Variants in PRKD3 observed in about 807,000 individuals in gnomAD.
PRKD3 encodes the protein protein kinase D3, also known as serine/threonine-protein kinase D3.
A neutral mutation model predicts 99.2 loss-of-function variants in PRKD3; 47 were observed. That is an observed-to-expected ratio of 0.47 (90% CI 0.38 to 0.60). The LOEUF (loss-of-function observed/expected upper bound fraction) is 0.60, where lower values mean the gene tolerates loss of function less well. PRKD3 is among the 20% of genes least tolerant of loss of function. The pLI is 0.00. For synonymous variants in PRKD3, 392 were observed against 355.4 expected, an observed-to-expected ratio of 1.10 and a Z score of -1.16; for missense variants, 1,019 against 1,088.4, an observed-to-expected ratio of 0.94 and a Z score of 0.90.
chr2:37,271,332 C>T (rs72863147), intron 12 of PRKD3, among the ~76,000 whole-genome samples: 2,209 of 152,160 alleles, frequency 0.015, 38 homozygotes, highest in African/African-American at 0.043. Flanking sequence ...CTTTAAATGA[C>T]TGGACAAATC....
intron 4 of PRKD3, among the ~76,000 whole-genome samples, chr2:37,289,880 T>C (rs1477994100): frequency 6.6e-6 from 1 of 152,222 alleles, no homozygotes; most frequent in Non-Finnish European, 1.5e-5. Context: ...ACCACTGCCT[T>C]AAAGCACTAG....
chr2:37,253,055 T>C lies in PRKD3; in HGVS notation c.*122A>G, dbSNP rs1297215837. Reference sequence around the variant, plus strand: ...TGAACTACAGTACTGGTGTCACTTATTCGTTATCATATTTCTTCATATCTT... The same window carrying C: ...TGAACTACAGTACTGGTGTCACTTACTCGTTATCATATTTCTTCATATCTT... On this transcript the variant is annotated 3_prime_UTR_variant, in exon 19 of 19. Coordinates refer to ENST00000234179, the MANE Select transcript of PRKD3 (RefSeq NM_005813.6). 5.5e-5 allele frequency: 57 copies of C among 1,041,888 alleles called. No individual in the cohort carries two copies. In the Middle Eastern group the frequency reaches 9.6e-4, roughly 18 times the overall value. 64.5% of individuals were successfully genotyped at this position (1,041,888 alleles called of 1,614,324 possible).
chr2:37,280,693 C>A (rs909172657), intron 7 of PRKD3, among the ~76,000 whole-genome samples: 51 of 152,170 alleles, frequency 3.4e-4, no homozygotes, highest in African/African-American at 1.0e-3. Context: ...ATTTTTGTGA[C>A]CTTGGTTAGG....
At chr2:37,310,938 G>A (rs546118526) in intron 2 of PRKD3, among the ~76,000 whole-genome samples, 1 of 152,316 alleles carries the variant, frequency 6.6e-6, no homozygotes, top group African/African-American at 2.4e-5. Context: ...GTTAACTGCT[G>A]CAGAGTGAAG....
intron 4 of PRKD3, among the ~76,000 whole-genome samples, chr2:37,290,489 A>T (rs1353754289): frequency 6.6e-6 from 1 of 152,184 alleles, no homozygotes; most frequent in Non-Finnish European, 1.5e-5. Flanking sequence ...CAGCCTCGGC[A>T]TCCCAAAGTG....
intron 16 of PRKD3, among the ~76,000 whole-genome samples, chr2:37,259,203 G>A (rs1170302689): frequency 1.3e-5 from 2 of 152,148 alleles, no homozygotes; most frequent in Non-Finnish European, 2.9e-5. Context: ...ATAGAAAAAG[G>A]AGGTGGCTGC....
At chr2:37,269,760 T>C in intron 12 of PRKD3, 73 bp from the exon 13 acceptor site, 1 of 1,026,104 alleles carries the variant, frequency 9.7e-7, no homozygotes, top group Non-Finnish European at 1.5e-6. Context: ...ACTTTCTTCA[T>C]CCAAATACTT....
chr2:37,252,404 A>G lies in PRKD3; in HGVS notation c.*773T>C, dbSNP rs1667568821. 1 of 152,208 alleles carries G rather than the reference A, an allele frequency of 6.6e-6. No individual in the cohort carries two copies. Among genetic ancestry groups the G allele is most frequent in the African/African-American group, 2.4e-5 (1 of 41,452 alleles). 9.4% of individuals were successfully genotyped at this position (152,208 alleles called of 1,614,324 possible). On this transcript the variant is annotated 3_prime_UTR_variant, in exon 19 of 19. Transcript: ENST00000234179. ...CAGCAGAGTGGAGCTATGCAAAGACATACAACTCAGCACTTAGACCAGCAG... is the reference window on the plus strand; with the variant it reads ...CAGCAGAGTGGAGCTATGCAAAGACGTACAACTCAGCACTTAGACCAGCAG...
At chr2:37,270,007 C>T (rs945227980) in intron 12 of PRKD3, among the ~76,000 whole-genome samples, 1 of 152,144 alleles carries the variant, frequency 6.6e-6, no homozygotes, top group African/African-American at 2.4e-5. Context: ...GCAGGTGGAT[C>T]ACCTGAGGTT....
intron 2 of PRKD3, among the ~76,000 whole-genome samples, chr2:37,303,416 C>A (rs923067135): frequency 1.3e-5 from 2 of 152,188 alleles, no homozygotes; most frequent in African/African-American, 2.4e-5. Context: ...AAGGCGCCCA[C>A]TGAGCTGATA....
intron 2 of PRKD3, among the ~76,000 whole-genome samples, chr2:37,312,749 T>C (rs926174581): frequency 5.9e-5 from 9 of 152,188 alleles, no homozygotes; most frequent in Admixed American, 3.9e-4. Flanking sequence ...GAATCAACTA[T>C]ATATATTAAA....
intron 2 of PRKD3, among the ~76,000 whole-genome samples, chr2:37,296,580 T>C (rs1670682224): frequency 6.6e-6 from 1 of 151,792 alleles, no homozygotes; most frequent in Non-Finnish European, 1.5e-5. Context: ...TTTATAGGTA[T>C]GTTTGGTAGG....
At chr2:37,265,488 T>TACACACAC (rs149325155) in intron 14 of PRKD3, among the ~76,000 whole-genome samples, 1 of 150,052 alleles carries the variant, frequency 6.7e-6, no homozygotes, top group Admixed American at 6.7e-5. Flanking sequence ...ATCTTTATAC[T>TACACACAC]ACACACACAC....
At chr2:37,305,224 G>C (rs1281484888) in intron 2 of PRKD3, among the ~76,000 whole-genome samples, 1 of 152,132 alleles carries the variant, frequency 6.6e-6, no homozygotes, top group Non-Finnish European at 1.5e-5. Flanking sequence ...CTACAGAGAC[G>C]ATGCAGTTAA....
In PRKD3 at chr2:37,254,186, G is replaced by C; in HGVS notation, c.2499+18C>G. ...ACTCAAATGAGGATTGCCAAAGAGA[G>C]ATTACATTTTTTTTTACCTGTAGCC... On this transcript the variant is annotated intron_variant, in intron 18 of 18. Coordinates refer to ENST00000234179, the MANE Select transcript of PRKD3 (RefSeq NM_005813.6). The C allele has an allele frequency of 6.4e-7, 1 of 1,572,204 alleles. No individual in the cohort carries two copies. Among genetic ancestry groups the C allele is most frequent in the Non-Finnish European group, 8.8e-7 (1 of 1,142,216 alleles).
intron 2 of PRKD3, among the ~76,000 whole-genome samples, chr2:37,308,449 G>C (rs938119665): frequency 3.3e-5 from 5 of 152,064 alleles, no homozygotes; most frequent in Admixed American, 2.0e-4. Flanking sequence ...TTTTGAGACA[G>C]AGTTTTGCTC....
chr2:37,323,108 C>CTG (rs931145785), intron 1 of PRKD3, among the ~76,000 whole-genome samples: 1 of 151,508 alleles, frequency 6.6e-6, no homozygotes, highest in Non-Finnish European at 1.5e-5. Flanking sequence ...TTATGAAGTT[C>CTG]TGTGTGTGTG....
chr2:37,304,603 A>T (rs911219609), intron 2 of PRKD3, among the ~76,000 whole-genome samples: 1 of 151,976 alleles, frequency 6.6e-6, no homozygotes, highest in Admixed American at 6.6e-5. Context: ...TTAGCTAGGC[A>T]TGGTGGCGGG....
intron 7 of PRKD3, among the ~76,000 whole-genome samples, chr2:37,281,396 A>T (rs865954012): frequency 1.3e-5 from 2 of 152,332 alleles, no homozygotes; most frequent in Middle Eastern, 3.4e-3. Flanking sequence ...AATCAGTGCT[A>T]TGGTATGAAT....
Sources: gnomAD v4.1 joint callset for allele counts (sites outside exome capture counted in the v4.1 genomes callset) on GRCh38, gnomAD v4.1.1 for gene constraint, MANE v1.5 for transcripts, NCBI Gene and HGNC (gene_info 2026-07-23, HGNC 2026-07-21) for gene names.